The following MPRIP variants were observed in gnomAD, a reference collection of about 807,000 sequenced individuals.
MPRIP encodes the protein myosin phosphatase Rho interacting protein.
MPRIP carries 59 observed loss-of-function variants against 234.9 expected under a neutral mutation model. That is an observed-to-expected ratio of 0.25 (90% confidence interval 0.20 to 0.31). MPRIP has a LOEUF of 0.31. Ranked by LOEUF, MPRIP falls within the 10% of genes least tolerant of loss-of-function variation. The pLI, the probability that MPRIP is intolerant of heterozygous loss-of-function variation, is 1.00. For missense variants in MPRIP, 2,436 were observed against 3,071.0 expected (o/e 0.79, Z 4.89); for synonymous variants, 1,144 against 1,263.9 (o/e 0.91, Z 2.01).
rs1237306330 is a variant in MPRIP at position 17,186,082 on chromosome 17, G to A, written c.*1188G>A. 6.5e-6 allele frequency: 1 copy of A among 153,836 alleles called. No homozygotes were observed. Among genetic ancestry groups the A allele is most frequent in the East Asian group, 1.9e-4 (1 of 5,238 alleles). 9.5% of individuals were successfully genotyped at this position (153,836 alleles called of 1,614,324 possible). A position where few individuals can be genotyped will look rare whatever the true frequency, so the allele number is the denominator to read the frequency against. On this transcript the variant is annotated 3_prime_UTR_variant, in exon 24 of 24. Transcript: ENST00000651222. ...AATCTCTTAAATTGGAGTCTATTAT[G>A]GCCCCATGAAAACCATTAATCCCAT...
intron 1 of MPRIP, among the ~76,000 whole-genome samples, chr17:17,043,909 GCCAGGGGAAGTC>G (rs1490117201): frequency 6.6e-6 from 1 of 152,190 alleles, no homozygotes; most frequent in Non-Finnish European, 1.5e-5. Flanking sequence ...CCTGAATGAA[GCCAGGGGAAGTC>G]CCTTCACATT....
At chr17:17,131,243 G>A (rs1597857562) in intron 4 of MPRIP, among the ~76,000 whole-genome samples, 1 of 152,216 alleles carries the variant, frequency 6.6e-6, no homozygotes, top group African/African-American at 2.4e-5. Context: ...CTCAGGGCCA[G>A]CACCTGCCTC....
intron 3 of MPRIP, among the ~76,000 whole-genome samples, chr17:17,079,760 G>T (rs1183811732): frequency 1.3e-5 from 2 of 152,222 alleles, no homozygotes; most frequent in African/African-American, 4.8e-5. Flanking sequence ...CTAAAGTCCA[G>T]CAAAATCCAT....
chr17:17,149,731 A>G (rs1223435469), intron 11 of MPRIP: 1 of 99,980 alleles, frequency 1.0e-5, no homozygotes, highest in Non-Finnish European at 2.6e-5. Flanking sequence ...AAATGTATAA[A>G]ATATATTTTA....
chr17:17,042,858 G>T lies in MPRIP; in HGVS notation c.10G>T (p.Ala4Ser), dbSNP rs771565012. ...CGCCGCCGCGCCGACCATGTCGGCA[G>T]CCAAGGAGAACCCGTGCAGGAAATT... is the stretch of plus-strand genomic sequence containing the variant. Reference protein sequence around the residue: MSAAKENPCRKFQA... With the variant: MSASKENPCRKFQA... Residue 4 changes from alanine (A) to serine (S), a missense_variant, in exon 1 of 24, where the codon GCC (alanine) becomes TCC (serine). Physicochemically the swap from Ala to Ser is moderately conservative, Grantham distance 99. Around this residue, in one of 4 missense-constraint regions of MPRIP, gnomAD observed 140 missense variants for 207.3 expected, o/e 0.68. Transcript: ENST00000651222. 1.9e-5 allele frequency: 30 copies of T among 1,579,990 alleles called. No homozygotes were observed. Among genetic ancestry groups the T allele is most frequent in the Middle Eastern group, 4.6e-4 (2 of 4,370 alleles).
chr17:17,142,600 C>A (rs372787694), intron 7 of MPRIP, 27 bp from the exon 8 acceptor site: 25 of 1,608,904 alleles, frequency 1.6e-5, no homozygotes, highest in Non-Finnish European at 2.1e-5. Context: ...TCACTGCCAC[C>A]TCAGGGCCTC....
intron 12 of MPRIP, among the ~76,000 whole-genome samples, chr17:17,150,860 C>T (rs2045586125): frequency 6.6e-6 from 1 of 151,094 alleles, no homozygotes; most frequent in African/African-American, 2.4e-5. Flanking sequence ...CTTTTTTTTT[C>T]CCCCAAGACA....
intron 5 of MPRIP, among the ~76,000 whole-genome samples, chr17:17,135,443 G>A (rs2090676673): frequency 6.6e-6 from 1 of 152,232 alleles, no homozygotes; most frequent in Non-Finnish European, 1.5e-5. Context: ...GTGCCTGTGT[G>A]CAGATTCAAG....
chr17:17,142,440 G>A (rs1444684709), intron 7 of MPRIP, 187 bp from the exon 8 acceptor site: 3 of 617,670 alleles, frequency 4.9e-6, no homozygotes, highest in African/African-American at 3.7e-5. Context: ...AGGCCTGATG[G>A]GAGGGAGGGC....
chr17:17,057,693 T>G, intron 1 of MPRIP: 1 of 718,090 alleles, frequency 1.4e-6, no homozygotes, highest in Non-Finnish European at 2.6e-6. Context: ...TGCACGAATG[T>G]TCTCATGTTG....
intron 1 of MPRIP, among the ~76,000 whole-genome samples, chr17:17,044,541 T>C (rs1230784076): frequency 6.6e-6 from 1 of 152,220 alleles, no homozygotes; most frequent in African/African-American, 2.4e-5. Context: ...TTTTTTCTCT[T>C]ACAATTTAAC....
In MPRIP at chr17:17,042,860, C is replaced by T. The variant is rs1233230814; in HGVS notation, c.12C>T (p.Ala4=). 2 of 1,585,602 alleles carry T rather than the reference C, an allele frequency of 1.3e-6. No individual in the cohort carries two copies. The highest frequency in any genetic ancestry group is 1.1e-5 in the South Asian group (1 of 88,764). MSA[A]KENPCRKFQA... is the part of the protein sequence containing the mutation. ...CCGCCGCGCCGACCATGTCGGCAGC[C>T]AAGGAGAACCCGTGCAGGAAATTCC... is the stretch of plus-strand genomic sequence containing the variant. The change falls in exon 1 of 24, where the codon GCC becomes GCT. Residue 4 remains alanine (A), a synonymous_variant. Coordinates refer to ENST00000651222, the MANE Select transcript of MPRIP (RefSeq NM_001364716.4).
At chr17:17,108,763 A>T (rs2090112115) in intron 3 of MPRIP, among the ~76,000 whole-genome samples, 1 of 152,150 alleles carries the variant, frequency 6.6e-6, no homozygotes, top group Non-Finnish European at 1.5e-5. Flanking sequence ...TTTCAGTCTC[A>T]CTGCAGCAAA....
At chr17:17,159,736 C>A (rs1567760612) in intron 14 of MPRIP, among the ~76,000 whole-genome samples, 1 of 152,222 alleles carries the variant, frequency 6.6e-6, no homozygotes, top group Non-Finnish European at 1.5e-5. Flanking sequence ...TGTAGCGTTA[C>A]AGTTTTTGTA....
Position 17,164,126 on chromosome 17 carries a change from C to A in MPRIP, c.2535C>A (p.Ser845=), listed in dbSNP as rs995296340. The change falls in exon 16 of 24, where the codon TCC becomes TCA. Residue 845 remains serine (S), a synonymous_variant. Transcript: ENST00000651222. ...TTTTTAAGACTGAAGTGGCCGCCTC[C>A]CCATCGGGTGCCTGGCAGAGGCTCC... is the stretch of plus-strand genomic sequence containing the variant. The part of the protein sequence containing the change: ...GYVLQTEVAA[S]PSGAWQRLHR... The A allele has an allele frequency of 9.2e-6, 12 of 1,304,032 alleles. No individual in the cohort carries two copies. In the African/African-American group the frequency reaches 1.8e-4, roughly 20 times the overall value. 80.8% of individuals were successfully genotyped at this position (1,304,032 alleles called of 1,614,324 possible).
At chr17:17,146,888 C>T (rs1446321557) in intron 10 of MPRIP, among the ~76,000 whole-genome samples, 1 of 152,260 alleles carries the variant, frequency 6.6e-6, no homozygotes, top group African/African-American at 2.4e-5. Flanking sequence ...GTTACCCCTG[C>T]TGGTTAGGAG....
At chr17:17,171,466 C>T in intron 16 of MPRIP, 1 of 439,660 alleles carries the variant, frequency 2.3e-6, no homozygotes, top group Middle Eastern at 6.1e-4. Context: ...AGAAATGGGG[C>T]ACAGTACAGT....
At position 17,185,637 on chromosome 17, in the gene MPRIP, T is replaced by G; in HGVS notation, c.*743T>G. ...CTTGGTCTCCAGTAACCCTGGTCTT[T>G]TCATAACTGCTCGAGATTGTTGACC... On this transcript the variant is annotated 3_prime_UTR_variant, in exon 24 of 24. Coordinates refer to ENST00000651222, the MANE Select transcript of MPRIP (RefSeq NM_001364716.4). The G allele has an allele frequency of 2.3e-6, 1 of 440,352 alleles. No homozygotes were observed. Among genetic ancestry groups the G allele is most frequent in the Non-Finnish European group, 4.6e-6 (1 of 218,692 alleles). The allele number at this position is 440,352 out of a possible 1,614,324, so 27.3% of individuals were successfully genotyped here. A position where few individuals can be genotyped will look rare whatever the true frequency, so the allele number is the denominator to read the frequency against.
At chr17:17,067,839 G>T (rs2089086509) in intron 1 of MPRIP, among the ~76,000 whole-genome samples, 1 of 113,988 alleles carries the variant, frequency 8.8e-6, no homozygotes. Context: ...ATTAGTGTCA[G>T]TTCCTTAAAC....
Sources: gnomAD v4.1 joint callset for allele counts (sites outside exome capture counted in the v4.1 genomes callset) on GRCh38, gnomAD v4.1.1 for gene constraint, gnomAD v4.1.1 regional missense constraint, MANE v1.5 for transcripts, NCBI Gene and HGNC (gene_info 2026-07-23, HGNC 2026-07-21) for gene names.